Variants in FAM83B observed in about 807,000 individuals in gnomAD.
FAM83B encodes scaffolding CK1 anchoring protein B.
Under a neutral mutation model 38.8 loss-of-function variants are expected in FAM83B, and 26 were observed. The observed-to-expected ratio is 0.67, with a 90% confidence interval of 0.49 to 0.93. The LOEUF is 0.93. Ranked by LOEUF, FAM83B falls within the 40% of genes least tolerant of loss-of-function variation. FAM83B has a pLI of 0.00. For synonymous variants in FAM83B, 419 were observed against 423.1 expected, an observed-to-expected ratio of 0.99 and a Z score of 0.12; for missense variants, 1,237 against 1,197.3, an observed-to-expected ratio of 1.03 and a Z score of -0.49.
At chr6:54,935,835 G>C (rs1773513557) in intron 4 of FAM83B, among the ~76,000 whole-genome samples, 1 of 152,044 alleles carries the variant, frequency 6.6e-6, no homozygotes, top group Non-Finnish European at 1.5e-5. Flanking sequence ...TTTTGGTTCT[G>C]AAAAAGAGGG....
chr6:54,901,418 A>G (rs1486171528), intron 2 of FAM83B, among the ~76,000 whole-genome samples: 1 of 140,550 alleles, frequency 7.1e-6, no homozygotes, highest in Non-Finnish European at 1.5e-5. Context: ...AGCCTGTTAC[A>G]AGATAGTTTT....
At chr6:54,857,571 G>A (rs1044766787) in intron 1 of FAM83B, among the ~76,000 whole-genome samples, 1 of 152,046 alleles carries the variant, frequency 6.6e-6, no homozygotes, top group African/African-American at 2.4e-5. Context: ...TACCGTGAGG[G>A]CAGAACTGAA....
chr6:54,880,441 CTTTTT>C (rs1180941250), intron 2 of FAM83B, among the ~76,000 whole-genome samples: 1 of 106,216 alleles, frequency 9.4e-6, no homozygotes, highest in East Asian at 2.5e-4. Context: ...TAGAAGGTTT[CTTTTT>C]TTTTTTTTTT....
rs1773662505 is a variant in FAM83B at position 54,940,785 on chromosome 6, A to C, written c.1814A>C (p.Gln605Pro). ...LPESIPKLPL[Q>P]SEAPKMHTLQ... is the part of the protein sequence containing the mutation. ...GAATCAATCCCCAAGCTCCCATTGC[A>C]GTCAGAGGCACCAAAAATGCACACC... The change falls in exon 5 of 5, where the codon CAG becomes CCG. Residue 605 changes from glutamine to proline, a missense_variant. By Grantham distance (76) the Gln-to-Pro change is moderately conservative. Transcript: ENST00000306858. The C allele has an allele frequency of 2.5e-6, 4 of 1,613,950 alleles. No homozygotes were observed. Among genetic ancestry groups the C allele is most frequent in the Non-Finnish European group, 3.4e-6 (4 of 1,180,022 alleles).
intron 1 of FAM83B, 26 bp downstream of exon 1, chr6:54,846,852 C>T (rs1771146732): frequency 6.6e-6 from 1 of 151,798 alleles, no homozygotes; most frequent in Non-Finnish European, 1.5e-5. Context: ...GCTCCCTTGC[C>T]CCGGACCTCG....
intron 2 of FAM83B, among the ~76,000 whole-genome samples, chr6:54,873,838 T>A (rs1392323205): frequency 6.6e-6 from 1 of 152,064 alleles, no homozygotes; most frequent in Admixed American, 6.6e-5. Context: ...AGAATTTAAA[T>A]CCATTTTCAC....
At chr6:54,863,098 C>A (rs982126244) in intron 1 of FAM83B, among the ~76,000 whole-genome samples, 1 of 151,962 alleles carries the variant, frequency 6.6e-6, no homozygotes, top group East Asian at 1.9e-4. Flanking sequence ...ATCTTTTGAG[C>A]GGGCAAAACA....
At chr6:54,888,312 A>G (rs1047065910) in intron 2 of FAM83B, among the ~76,000 whole-genome samples, 4 of 146,518 alleles carry the variant, frequency 2.7e-5, no homozygotes, top group African/African-American at 9.9e-5. Flanking sequence ...AGTTATATAT[A>G]CATATTCACT....
rs528602918 is a variant in FAM83B, at chr6:54,893,260, C to T, written c.444+22570C>T. Among the ~76,000 whole-genome samples, 5 of 152,212 alleles carry T rather than the reference C, an allele frequency of 3.3e-5. No homozygotes were observed. In the South Asian group the frequency reaches 6.2e-4, roughly 19 times the overall value. On this transcript the variant is annotated intron_variant, in intron 2 of 4. Coordinates refer to ENST00000306858, the MANE Select transcript of FAM83B (RefSeq NM_001010872.3). ...ATAGATAACTAATACAGTATATTTT[C>T]GAGGAGATCTAGTCTCTATTAGTAA... is the stretch of plus-strand genomic sequence containing the variant.
chr6:54,904,039 C>G (rs1422432369), intron 2 of FAM83B, among the ~76,000 whole-genome samples: 6 of 148,552 alleles, frequency 4.0e-5, no homozygotes, highest in Non-Finnish European at 1.5e-5. Flanking sequence ...TTGTTGTGCC[C>G]TCTCATTTGG....
intron 2 of FAM83B, among the ~76,000 whole-genome samples, chr6:54,896,724 T>C (rs62414962): frequency 0.021 from 3,140 of 152,318 alleles, 41 homozygotes; most frequent in Middle Eastern, 0.061. Context: ...TTAAATTATG[T>C]TCTGGACACT....
intron 1 of FAM83B, among the ~76,000 whole-genome samples, chr6:54,862,756 T>C (rs7772421): frequency 0.59 from 89,936 of 151,328 alleles, 27,632 homozygotes; most frequent in Middle Eastern, 0.64. Context: ...TGGCAGTGTG[T>C]GCCTGTAGTC....
At chr6:54,868,902 G>A (rs537981765) in intron 1 of FAM83B, among the ~76,000 whole-genome samples, 2 of 152,228 alleles carry the variant, frequency 1.3e-5, no homozygotes, top group Non-Finnish European at 2.9e-5. Context: ...TCTCCACTAA[G>A]ATGGTAAATG....
chr6:54,857,919 G>A (rs1174319428), intron 1 of FAM83B, among the ~76,000 whole-genome samples: 1 of 152,152 alleles, frequency 6.6e-6, no homozygotes, highest in Non-Finnish European at 1.5e-5. Flanking sequence ...CAGGTGGATG[G>A]AACAGCTAGT....
intron 2 of FAM83B, among the ~76,000 whole-genome samples, chr6:54,883,853 T>A (rs1431884534): frequency 6.6e-6 from 1 of 152,070 alleles, no homozygotes; most frequent in African/African-American, 2.4e-5. Context: ...ATTTTAAGGT[T>A]AGCTATTTTT....
intron 2 of FAM83B, among the ~76,000 whole-genome samples, chr6:54,910,785 T>A (rs1772889790): frequency 6.6e-6 from 1 of 152,216 alleles, no homozygotes; most frequent in South Asian, 2.1e-4. Flanking sequence ...CTTTGCCAAT[T>A]AAGTTAGATT....
intron 2 of FAM83B, among the ~76,000 whole-genome samples, chr6:54,872,935 A>C (rs1225326753): frequency 2.0e-4 from 30 of 152,066 alleles, no homozygotes; most frequent in Admixed American, 2.0e-3. Flanking sequence ...TGATCTTGTA[A>C]ACTGAGTATA....
At chr6:54,864,946 TG>T (rs2127573981) in intron 1 of FAM83B, among the ~76,000 whole-genome samples, 1 of 152,340 alleles carries the variant, frequency 6.6e-6, no homozygotes, top group African/African-American at 2.4e-5. Flanking sequence ...TTAATAAAAT[TG>T]CTTAACATTG....
intron 2 of FAM83B, among the ~76,000 whole-genome samples, chr6:54,888,595 T>C (rs1772331830): frequency 6.6e-6 from 1 of 152,038 alleles, no homozygotes; most frequent in African/African-American, 2.4e-5. Context: ...CCTTCATAGT[T>C]TCAGTTGTAA....
Sources: allele counts gnomAD v4.1 joint callset (sites outside exome capture counted in the v4.1 genomes callset), GRCh38; gene constraint gnomAD v4.1.1; transcripts MANE v1.5; gene names NCBI Gene and HGNC (gene_info 2026-07-23, HGNC 2026-07-21).